The following PPIP5K2 variants were observed in gnomAD, a reference collection of about 807,000 sequenced individuals.
The protein encoded by PPIP5K2 is diphosphoinositol pentakisphosphate kinase 2.
Under a neutral mutation model 154.6 loss-of-function variants are expected in PPIP5K2, and 105 were observed. The observed-to-expected ratio is 0.68, with a 90% CI of 0.58 to 0.80. The LOEUF (loss-of-function observed/expected upper bound fraction) is 0.80. Ranked by LOEUF, PPIP5K2 falls within the 30% of genes least tolerant of loss-of-function variation. The pLI is 0.00. For synonymous variants in PPIP5K2, 480 were observed against 490.3 expected (o/e 0.98, Z 0.28); for missense variants, 992 against 1,504.6 (o/e 0.66, Z 5.64).
chr5:103,154,614 A>G, intron 11 of PPIP5K2, 56 bp from the exon 12 acceptor site: 1 of 1,044,206 alleles, frequency 9.6e-7, no homozygotes, highest in South Asian at 1.5e-5. Context: ...GTTTAAACAT[A>G]TATTGGTAAT....
intron 30 of PPIP5K2, among the ~76,000 whole-genome samples, chr5:103,197,648 T>G (rs1802318166): frequency 7.0e-6 from 1 of 142,590 alleles, no homozygotes; most frequent in Non-Finnish European, 1.5e-5. Flanking sequence ...TGATCTCAGC[T>G]CACTGCAACC....
At chr5:103,186,589 T>C (rs536533577) in intron 27 of PPIP5K2, 150 bp downstream of exon 27, 3 of 1,066,118 alleles carry the variant, frequency 2.8e-6, no homozygotes, top group South Asian at 3.0e-5. Flanking sequence ...CTCTCTGTTA[T>C]CTACAACTTG....
chr5:103,140,379 A>T (rs1792357457), intron 5 of PPIP5K2, among the ~76,000 whole-genome samples: 1 of 152,222 alleles, frequency 6.6e-6, no homozygotes, highest in Non-Finnish European at 1.5e-5. Context: ...AAGGTCAAGG[A>T]TAAACAAAGA....
chr5:103,148,964 A>G lies in PPIP5K2; in HGVS notation c.745-188A>G, dbSNP rs567470102. Among the ~76,000 whole-genome samples the G allele has an allele frequency of 8.7e-4, 132 of 152,320 alleles. 1 individual carries two copies. Among genetic ancestry groups the G allele is most frequent in the African/African-American group, 2.9e-3 (122 of 41,572 alleles). ...AACTTCACTTTACCAATTTTGCTAT[A>G]TAATGATTACTTACAACCTTTCCCA... is the stretch of plus-strand genomic sequence containing the variant. On this transcript the variant is annotated intron_variant, in intron 7 of 30. Coordinates refer to ENST00000358359, the MANE Select transcript of PPIP5K2 (RefSeq NM_001276277.3).
At chr5:103,157,105 G>A (rs1795526827) in intron 14 of PPIP5K2, among the ~76,000 whole-genome samples, 1 of 152,028 alleles carries the variant, frequency 6.6e-6, no homozygotes, top group African/African-American at 2.4e-5. Flanking sequence ...TCACAGAACC[G>A]CTAACTTGCT....
rs1796216166 is a variant in PPIP5K2, at chr5:103,161,400, AATGGT to A, written c.1920+2073_1920+2077del. Among the ~76,000 whole-genome samples, 3 of 152,246 alleles carry A rather than the reference AATGGT, an allele frequency of 2.0e-5. No homozygotes were observed. The South Asian group carries it at 6.2e-4, about 32-fold the overall frequency. On this transcript the variant is annotated intron_variant, in intron 17 of 30. Transcript: ENST00000358359. ...TTGGTTCCAAGTCTTTGTTATTGTG[AATGGT>A]GCCACAATAAACATACGTGTGCATG...
At chr5:103,194,580 C>T (rs1801767825) in intron 29 of PPIP5K2, among the ~76,000 whole-genome samples, 1 of 152,092 alleles carries the variant, frequency 6.6e-6, no homozygotes. Flanking sequence ...AAAACTATGC[C>T]ATTAGCTCTT....
rs6887034 is a variant in PPIP5K2, at chr5:103,137,311, C to T, written c.401+489C>T. 4.9e-3 allele frequency among the ~76,000 whole-genome samples: 742 copies of T among 151,962 alleles called. 6 individuals are homozygous for T. Among genetic ancestry groups the T allele is most frequent in the African/African-American group, 0.015 (630 of 41,424 alleles). On this transcript the variant is annotated intron_variant, in intron 4 of 30. Coordinates refer to ENST00000358359, the MANE Select transcript of PPIP5K2 (RefSeq NM_001276277.3). ...CCGAGTAGCTGGGATTACAGGCGCC[C>T]GCCACCACGCCCAGCTAATTTTTTG...
In PPIP5K2 at chr5:103,180,289, C is replaced by T. The variant is rs553072973; in HGVS notation, c.2922+101C>T. On this transcript the variant is annotated intron_variant, in intron 24 of 30. Coordinates refer to ENST00000358359, the MANE Select transcript of PPIP5K2 (RefSeq NM_001276277.3). ...GCTTTAATTGTGGAGCTTGGGAAACCAACAAATTTTTAAATGTTATTTAAT... is the reference window on the plus strand; with the variant it reads ...GCTTTAATTGTGGAGCTTGGGAAACTAACAAATTTTTAAATGTTATTTAAT... 3.9e-4 allele frequency: 383 copies of T among 980,840 alleles called. 1 individual carries two copies. Among genetic ancestry groups the T allele is most frequent in the Non-Finnish European group, 5.1e-4 (369 of 729,222 alleles). 60.8% of individuals were successfully genotyped at this position (980,840 alleles called of 1,614,324 possible). A position where few individuals can be genotyped will look rare whatever the true frequency, so the allele number is the denominator to read the frequency against.
At chr5:103,158,407 A>C in intron 15 of PPIP5K2, 45 bp from the exon 16 acceptor site, 1 of 1,590,990 alleles carries the variant, frequency 6.3e-7, no homozygotes, top group African/African-American at 1.4e-5. Context: ...TAGAAATACA[A>C]TGAAATGAAA....
chr5:103,187,873 A>G (rs1324563340), intron 28 of PPIP5K2, among the ~76,000 whole-genome samples: 3 of 152,110 alleles, frequency 2.0e-5, no homozygotes, highest in African/African-American at 7.2e-5. Flanking sequence ...TCACTGTATA[A>G]CATCGTCTGT....
chr5:103,195,884 A>G (rs1457074848), intron 30 of PPIP5K2, among the ~76,000 whole-genome samples: 1 of 152,184 alleles, frequency 6.6e-6, no homozygotes, highest in Non-Finnish European at 1.5e-5. Context: ...TAACAGTCAG[A>G]GAAACCTAGA....
At chr5:103,141,214 C>A (rs1792571507) in intron 5 of PPIP5K2, among the ~76,000 whole-genome samples, 1 of 152,156 alleles carries the variant, frequency 6.6e-6, no homozygotes, top group South Asian at 2.1e-4. Flanking sequence ...AAGAATGAAG[C>A]CGCAGACCCT....
At position 103,182,257 on chromosome 5, in the gene PPIP5K2, G is replaced by GT. The variant is rs552760931; in HGVS notation, c.2923-976dup. ...AACACTGAATACAGCAAAATGTATT[G>GT]TAAGTCTTCATTTTGCAACTCATCT... On this transcript the variant is annotated intron_variant, in intron 24 of 30. Coordinates refer to ENST00000358359, the MANE Select transcript of PPIP5K2 (RefSeq NM_001276277.3). Among the ~76,000 whole-genome samples the GT allele has an allele frequency of 2.5e-3, 381 of 152,228 alleles. 1 individual carries two copies. The highest frequency in any genetic ancestry group is 8.7e-3 in the African/African-American group (362 of 41,532).
chr5:103,187,414 T>C, intron 28 of PPIP5K2, 38 bp downstream of exon 28: 1 of 1,399,350 alleles, frequency 7.1e-7, no homozygotes, highest in Non-Finnish European at 9.7e-7. Flanking sequence ...ACTCCCCTGC[T>C]TCATCCCTTT....
rs73199709 is a variant in PPIP5K2, at chr5:103,149,080, G to T, written c.745-72G>T. 400 of 1,131,630 alleles carry T rather than the reference G, an allele frequency of 3.5e-4. 2 individuals carry two copies. The African/African-American group carries it at 6.0e-3, about 17-fold the overall frequency. 70.1% of individuals were successfully genotyped at this position (1,131,630 alleles called of 1,614,324 possible). ...TTTTAGTAATTTTTTCATTGTATTT[G>T]TTGTCTGTTGGTTACACACACACAC... On this transcript the variant is annotated intron_variant, in intron 7 of 30. Transcript: ENST00000358359.
chr5:103,167,937 A>G lies in PPIP5K2; in HGVS notation c.2063-135A>G, dbSNP rs546731915. On this transcript the variant is annotated intron_variant, in intron 18 of 30. Transcript: ENST00000358359. Reference sequence around the variant, plus strand: ...AAAGATATATGGTTGCTAGTAGCGTATGCCTAAAGTAACTCTCTAACTTCA... The same window carrying G: ...AAAGATATATGGTTGCTAGTAGCGTGTGCCTAAAGTAACTCTCTAACTTCA... 9.7e-4 allele frequency: 532 copies of G among 548,278 alleles called. 2 individuals carry two copies. The highest frequency in any genetic ancestry group is 1.5e-3 in the Non-Finnish European group (478 of 319,268). 34.0% of individuals were successfully genotyped at this position (548,278 alleles called of 1,614,324 possible). A position where few individuals can be genotyped will look rare whatever the true frequency, so the allele number is the denominator to read the frequency against.
In PPIP5K2 at chr5:103,204,187, A is replaced by G. The variant is rs879959578; in HGVS notation, c.*2553A>G. On this transcript the variant is annotated 3_prime_UTR_variant, in exon 31 of 31. Transcript: ENST00000358359. Reference sequence around the variant, plus strand: ...ATGCCAGTTTGAACCAAGATTTCACATTTTTGTTTTGTATTCATACTTTGG... The same window carrying G: ...ATGCCAGTTTGAACCAAGATTTCACGTTTTTGTTTTGTATTCATACTTTGG... 6.6e-6 allele frequency: 1 copy of G among 152,100 alleles called. No homozygotes were observed. Among genetic ancestry groups the G allele is most frequent in the Admixed American group, 6.6e-5 (1 of 15,264 alleles). The allele number at this position is 152,100 out of a possible 1,614,324, so 9.4% of individuals were successfully genotyped here.
intron 19 of PPIP5K2, 123 bp downstream of exon 19, chr5:103,168,418 A>G (rs1170594789): frequency 2.9e-6 from 2 of 685,110 alleles, no homozygotes; most frequent in African/African-American, 1.9e-5. Context: ...TAAACAGGAA[A>G]TTAGGTAATT....
Sources: allele counts gnomAD v4.1 joint callset (sites outside exome capture counted in the v4.1 genomes callset), GRCh38; gene constraint gnomAD v4.1.1; transcripts MANE v1.5; gene names NCBI Gene and HGNC (gene_info 2026-07-23, HGNC 2026-07-21).